GIPC2: variants seen among roughly 807,000 people sequenced by gnomAD.
The protein encoded by GIPC2 is GIPC PDZ domain containing family member 2, also known as PDZ domain-containing protein GIPC2.
Under a neutral mutation model 30.6 loss-of-function variants are expected in GIPC2, and 30 were observed. The observed-to-expected ratio is 0.98, with a 90% CI of 0.73 to 1.33. GIPC2 has a LOEUF of 1.33. Ranked by LOEUF, GIPC2 falls within the 40% of genes most tolerant of loss-of-function variation. The probability of loss-of-function intolerance (pLI) is 0.00; values close to 1 mark genes in which losing one functional copy is unlikely to be tolerated. For missense variants in GIPC2, 414 were observed against 390.3 expected (o/e 1.06, Z -0.51); for synonymous variants, 167 against 150.0 (o/e 1.11, Z -0.83).
intron 2 of GIPC2, among the ~76,000 whole-genome samples, chr1:78,083,111 G>A (rs200377228): frequency 9.4e-3 from 5 of 532 alleles, no homozygotes; most frequent in African/African-American, 0.03. Flanking sequence ...TCTTATCAGC[G>A]TCCTAATTGT....
Position 78,138,250 on chromosome 1 carries a change from A to G in GIPC2, c.*2507A>G, listed in dbSNP as rs1663041771. On this transcript the variant is annotated 3_prime_UTR_variant, in exon 6 of 6. Coordinates refer to ENST00000370759, the MANE Select transcript of GIPC2 (RefSeq NM_017655.6). ...GTTGGGTTTCTGTGATGTTTCAAAA[A>G]TACAATTATATAATTATGATGTAAA... 6.6e-6 allele frequency: 1 copy of G among 152,240 alleles called. No homozygotes were observed. The highest frequency in any genetic ancestry group is 1.5e-5 in the Non-Finnish European group (1 of 68,036). 9.4% of individuals were successfully genotyped at this position (152,240 alleles called of 1,614,324 possible).
At chr1:78,094,126 A>G (rs1662094111) in intron 2 of GIPC2, among the ~76,000 whole-genome samples, 1 of 152,212 alleles carries the variant, frequency 6.6e-6, no homozygotes, top group African/African-American at 2.4e-5. Flanking sequence ...TGATAACCAT[A>G]CTTATCTTTT....
intron 2 of GIPC2, among the ~76,000 whole-genome samples, chr1:78,084,719 C>T (rs904641929): frequency 6.6e-6 from 1 of 152,022 alleles, no homozygotes; most frequent in Non-Finnish European, 1.5e-5. Flanking sequence ...GATTGTCTTT[C>T]TGATTTGGTG....
At chr1:78,045,360 T>G (rs571852685), upstream of GIPC2, among the ~76,000 whole-genome samples, 1 of 152,170 alleles carries the variant, frequency 6.6e-6, no homozygotes. Context: ...GAACTCACAC[T>G]TCACACCGAA....
In GIPC2 at chr1:78,110,077, C is replaced by T. The variant is rs1177966409; in HGVS notation, c.608-9316C>T. Among the ~76,000 whole-genome samples, 3 of 151,880 alleles carry T rather than the reference C, an allele frequency of 2.0e-5. No homozygotes were observed. In the East Asian group the frequency reaches 5.8e-4, roughly 29 times the overall value. ...GGGAGGGATAGCATTAGGAGATATA[C>T]CTAATGTAAATGACGAGTTAATGGG... On this transcript the variant is annotated intron_variant, in intron 3 of 5. Coordinates refer to ENST00000370759, the MANE Select transcript of GIPC2 (RefSeq NM_017655.6).
At chr1:78,084,160 A>G (rs1340560778) in intron 2 of GIPC2, among the ~76,000 whole-genome samples, 1 of 152,136 alleles carries the variant, frequency 6.6e-6, no homozygotes, top group Non-Finnish European at 1.5e-5. Context: ...ATACATTGCT[A>G]TTGGAGTGCA....
chr1:78,094,962 A>G lies in GIPC2; in HGVS notation c.437A>G (p.Asp146Gly), dbSNP rs1454109820. 1 of 1,583,846 alleles carries G rather than the reference A, an allele frequency of 6.3e-7. No homozygotes were observed. Among genetic ancestry groups the G allele is most frequent in the African/African-American group, 1.3e-5 (1 of 74,292 alleles). Reference protein sequence around the residue: ...VGYAFIKRIKDGGVIDSVKTI... With the variant: ...VGYAFIKRIKGGGVIDSVKTI... The stretch of plus-strand genomic sequence containing the variant: ...TCAATTTCCTTTCAGAGAATTAAAG[A>G]TGGTGGTGTTATTGACTCAGTTAAA... The change falls in exon 3 of 6, where the codon GAT becomes GGT. Residue 146 changes from aspartate to glycine, a missense_variant. Transcript: ENST00000370759.
chr1:78,062,766 A>C (rs147993061), intron 1 of GIPC2, among the ~76,000 whole-genome samples: 2 of 151,890 alleles, frequency 1.3e-5, no homozygotes, highest in African/African-American at 4.8e-5. Context: ...CACCCACCCA[A>C]AGTGCTGGGA....
At chr1:78,092,204 A>G in intron 2 of GIPC2, 1 of 556,538 alleles carries the variant, frequency 1.8e-6, no homozygotes, top group South Asian at 2.8e-5. Flanking sequence ...TTGAAAGGGG[A>G]AAAAAAAGAT....
chr1:78,112,546 G>C (rs1024894359), intron 3 of GIPC2: 10 of 518,840 alleles, frequency 1.9e-5, no homozygotes, highest in Non-Finnish European at 3.5e-5. Context: ...GGCCAACCAG[G>C]GCTCTCATGG....
chr1:78,137,232 G>C lies in GIPC2; in HGVS notation c.*1489G>C, dbSNP rs1002126613. The C allele has an allele frequency of 6.6e-6, 1 of 152,064 alleles. No homozygotes were observed. Among genetic ancestry groups the C allele is most frequent in the Non-Finnish European group, 1.5e-5 (1 of 67,972 alleles). 9.4% of individuals were successfully genotyped at this position (152,064 alleles called of 1,614,324 possible). ...GCTTATCATTTGAAAATAAAATCCA[G>C]CTCAGGTTGTAACTTGTTGGTACTC... On this transcript the variant is annotated 3_prime_UTR_variant, in exon 6 of 6. Coordinates refer to ENST00000370759, the MANE Select transcript of GIPC2 (RefSeq NM_017655.6).
intron 3 of GIPC2, among the ~76,000 whole-genome samples, chr1:78,105,827 C>T (rs767974842): frequency 7.9e-5 from 12 of 151,844 alleles, no homozygotes; most frequent in Non-Finnish European, 1.3e-4. Flanking sequence ...ATTTTTACAA[C>T]GGGAATTGTC....
chr1:78,046,125 G>T lies in GIPC2; in HGVS notation c.31G>T (p.Ala11Ser), dbSNP rs551450925. The T allele has an allele frequency of 3.3e-6, 5 of 1,505,740 alleles. No individual in the cohort carries two copies. The Admixed American group carries it at 9.6e-5, about 29-fold the overall frequency. The allele number at this position is 1,505,740 out of a possible 1,614,324, so 93.3% of individuals were successfully genotyped here. A position where few individuals can be genotyped will look rare whatever the true frequency, so the allele number is the denominator to read the frequency against. ...CCTGAAGCTGCGGGGGAAGAAGAAG[G>T]CCAAGTCCAAGGAGACCGCCGGGCT... is the stretch of plus-strand genomic sequence containing the variant. The part of the protein sequence containing the change: MPLKLRGKKK[A>S]KSKETAGLVE... The change falls in exon 1 of 6, where the codon GCC becomes TCC. Residue 11 changes from alanine (A) to serine (S), a missense_variant. Physicochemically the swap from Ala to Ser is moderately conservative, Grantham distance 99 (BLOSUM62 1). Transcript: ENST00000370759.
At chr1:78,124,976 CAAACAAAACA>C (rs530777145) in intron 4 of GIPC2, among the ~76,000 whole-genome samples, 14 of 152,084 alleles carry the variant, frequency 9.2e-5, no homozygotes, top group African/African-American at 3.4e-4. Context: ...GACTCTGTCT[CAAACAAAACA>C]AAACAAAACA....
chr1:78,091,881 T>C, intron 2 of GIPC2: 1 of 781,804 alleles, frequency 1.3e-6, no homozygotes, highest in Admixed American at 1.7e-5. Flanking sequence ...AAGAATGAAG[T>C]TGCTGATTCT....
At chr1:78,073,577 A>G (rs907373131) in intron 1 of GIPC2, among the ~76,000 whole-genome samples, 6 of 152,214 alleles carry the variant, frequency 3.9e-5, no homozygotes, top group African/African-American at 1.4e-4. Context: ...ATGTAACTCT[A>G]GCTGCATAAG....
chr1:78,096,278 A>G (rs775028517), intron 3 of GIPC2, among the ~76,000 whole-genome samples: 9 of 152,198 alleles, frequency 5.9e-5, no homozygotes, highest in Non-Finnish European at 1.2e-4. Context: ...GTTTCTATCC[A>G]GTAACTCCTT....
At chr1:78,085,623 C>T (rs611820) in intron 2 of GIPC2, among the ~76,000 whole-genome samples, 33,884 of 150,328 alleles carry the variant, frequency 0.23, 4,118 homozygotes, top group East Asian at 0.49. Context: ...TTCAGGAAAT[C>T]AGTTTCTTCC....
intron 3 of GIPC2, among the ~76,000 whole-genome samples, chr1:78,106,903 C>T (rs183093219): frequency 4.2e-4 from 64 of 152,060 alleles, no homozygotes; most frequent in African/African-American, 1.3e-3. Flanking sequence ...CTCGAACTCG[C>T]GACCTCAGGT....
Sources: allele counts gnomAD v4.1 joint callset (sites outside exome capture counted in the v4.1 genomes callset), GRCh38; gene constraint gnomAD v4.1.1; transcripts MANE v1.5; gene names NCBI Gene and HGNC (gene_info 2026-07-23, HGNC 2026-07-21).